FRYL: variants seen among roughly 807,000 people sequenced by gnomAD.
The protein encoded by FRYL is protein furry homolog-like.
In FRYL, 150 loss-of-function variants were observed where a neutral mutation model predicts 351.2. The ratio of observed to expected loss-of-function variants is 0.43; its 90% CI spans 0.37 to 0.49. FRYL has a LOEUF of 0.49. FRYL is among the 20% of genes least tolerant of loss of function. The pLI is 0.00. For synonymous variants in FRYL, 1,153 were observed against 1,257.1 expected (o/e 0.92, Z 1.75); for missense variants, 3,036 against 3,619.3 (o/e 0.84, Z 4.13).
At chr4:48,644,047 G>A (rs1195095961) in intron 3 of FRYL, among the ~76,000 whole-genome samples, 2 of 152,110 alleles carry the variant, frequency 1.3e-5, no homozygotes, top group Non-Finnish European at 2.9e-5. Flanking sequence ...AGGATCAAGC[G>A]ATTCTTCTGC....
intron 30 of FRYL, 28 bp from the exon 31 acceptor site, chr4:48,564,130 G>T: frequency 1.2e-6 from 2 of 1,611,212 alleles, no homozygotes; most frequent in South Asian, 1.1e-5. Context: ...AATTGCCCGA[G>T]AGAGAACGTT....
intron 33 of FRYL, among the ~76,000 whole-genome samples, 168 bp downstream of exon 33, chr4:48,561,300 G>A (rs1018138124): frequency 3.3e-5 from 5 of 152,044 alleles, no homozygotes; most frequent in Non-Finnish European, 5.9e-5. Context: ...CCTAAATATT[G>A]TGACTGATCA....
chr4:48,550,775 C>G, intron 37 of FRYL, 71 bp from the exon 38 acceptor site: 1 of 1,166,636 alleles, frequency 8.6e-7, no homozygotes, highest in Non-Finnish European at 1.3e-6. Flanking sequence ...GTTTCACTTT[C>G]TCTGTTTAAA....
rs1467961725 is a variant in FRYL at position 48,714,807 on chromosome 4, G to C, written c.-383-4109C>G. ...ATCATCCTGATACCAAAGCCGGGCA[G>C]AGACACAACCAAAAAAGAGAATTTT... On this transcript the variant is annotated intron_variant, in intron 1 of 63. Transcript: ENST00000358350. Among the ~76,000 whole-genome samples, 315 of 149,916 alleles carry C rather than the reference G, an allele frequency of 2.1e-3. 2 individuals are homozygous for C. Among genetic ancestry groups the C allele is most frequent in the Admixed American group, 3.1e-3 (46 of 15,074 alleles).
At chr4:48,630,543 G>A (rs1358405541) in intron 4 of FRYL, among the ~76,000 whole-genome samples, 1 of 152,080 alleles carries the variant, frequency 6.6e-6, no homozygotes, top group Non-Finnish European at 1.5e-5. Context: ...GATATACCTA[G>A]GTTATTACCG....
intron 1 of FRYL, among the ~76,000 whole-genome samples, chr4:48,725,720 G>A (rs952246969): frequency 6.6e-6 from 1 of 152,156 alleles, no homozygotes; most frequent in Non-Finnish European, 1.5e-5. Context: ...CAGTGCTTGT[G>A]TTCAAGTAAT....
rs1162873553 is a variant in FRYL, at chr4:48,499,677, A to G, written c.8787T>C (p.Ser2929=). Residue 2929 remains serine, a synonymous_variant, in exon 64 of 64, where the codon TCT becomes TCC. Coordinates refer to ENST00000358350, the MANE Select transcript of FRYL (RefSeq NM_015030.2). The part of the protein sequence containing the change: ...SAVAQVKAFR[S]LWPSDIFGSC... ...TGCCAAAGATATCACTGGGCCAGAG[A>G]GATCTGAAAATACACAATAGTTTTT... The G allele has an allele frequency of 6.2e-7, 1 of 1,613,122 alleles. No individual in the cohort carries two copies. The highest frequency in any genetic ancestry group is 8.5e-7 in the Non-Finnish European group (1 of 1,179,418).
intron 7 of FRYL, among the ~76,000 whole-genome samples, chr4:48,610,875 T>C (rs183406169): frequency 6.6e-5 from 10 of 151,078 alleles, no homozygotes; most frequent in African/African-American, 2.4e-4. Flanking sequence ...CAATTTGATA[T>C]GTATATATCA....
intron 2 of FRYL, among the ~76,000 whole-genome samples, chr4:48,687,427 T>C (rs1294327537): frequency 7.0e-5 from 10 of 142,968 alleles, no homozygotes; most frequent in Admixed American, 2.2e-4. Flanking sequence ...GAAGCTTCCA[T>C]GTGTAATAAA....
At chr4:48,607,223 TC>T (rs765404281) in intron 9 of FRYL, among the ~76,000 whole-genome samples, 2 of 151,948 alleles carry the variant, frequency 1.3e-5, no homozygotes, top group Non-Finnish European at 2.9e-5. Context: ...ATTATCCCCT[TC>T]CCCCCTATAT....
intron 30 of FRYL, 66 bp downstream of exon 30, chr4:48,564,867 A>G (rs1736410881): frequency 2.4e-6 from 2 of 824,926 alleles, no homozygotes; most frequent in South Asian, 1.9e-5. Context: ...TTAGTGCAAC[A>G]TACATTAACT....
intron 31 of FRYL, among the ~76,000 whole-genome samples, chr4:48,563,730 C>T (rs1015735188): frequency 4.0e-5 from 6 of 149,588 alleles, no homozygotes; most frequent in South Asian, 2.1e-4. Flanking sequence ...AAGGAGTATA[C>T]GGGAGGATTT....
chr4:48,680,460 CA>C (rs540715893), intron 3 of FRYL, among the ~76,000 whole-genome samples: 1 of 151,800 alleles, frequency 6.6e-6, no homozygotes, highest in Non-Finnish European at 1.5e-5. Context: ...TTACACATAA[CA>C]AAAATACTAT....
At chr4:48,750,978 C>G (rs1355426045) in intron 1 of FRYL, among the ~76,000 whole-genome samples, 1 of 152,174 alleles carries the variant, frequency 6.6e-6, no homozygotes, top group Non-Finnish European at 1.5e-5. Flanking sequence ...ATGGAACTGA[C>G]TTCAGGCTGA....
At chr4:48,568,960 T>C (rs958863490) in intron 27 of FRYL, among the ~76,000 whole-genome samples, 3 of 152,214 alleles carry the variant, frequency 2.0e-5, no homozygotes, top group Non-Finnish European at 2.9e-5. Context: ...GAATTCATTT[T>C]TTTCCGTAGC....
chr4:48,747,699 T>C (rs1044271517), intron 1 of FRYL, among the ~76,000 whole-genome samples: 2 of 152,216 alleles, frequency 1.3e-5, no homozygotes, highest in Non-Finnish European at 2.9e-5. Context: ...TTCCCACATA[T>C]CTTTCCAAAT....
At chr4:48,543,554 T>C (rs1310310282) in intron 44 of FRYL, among the ~76,000 whole-genome samples, 2 of 152,140 alleles carry the variant, frequency 1.3e-5, no homozygotes, top group African/African-American at 4.8e-5. Context: ...GTTAAGATCT[T>C]GGGGGTGGGG....
intron 1 of FRYL, among the ~76,000 whole-genome samples, chr4:48,723,553 G>A (rs1298242593): frequency 6.6e-6 from 1 of 152,140 alleles, no homozygotes; most frequent in Non-Finnish European, 1.5e-5. Flanking sequence ...AAACCTAGCA[G>A]TCACATGTAT....
intron 53 of FRYL, among the ~76,000 whole-genome samples, chr4:48,526,053 A>G (rs761900762): frequency 6.6e-6 from 1 of 152,072 alleles, no homozygotes; most frequent in Admixed American, 6.6e-5. Context: ...GTATATGTAC[A>G]TGAGAGTTGA....
Sources: gnomAD v4.1 joint callset for allele counts (sites outside exome capture counted in the v4.1 genomes callset) on GRCh38, gnomAD v4.1.1 for gene constraint, MANE v1.5 for transcripts, NCBI Gene and HGNC (gene_info 2026-07-23, HGNC 2026-07-21) for gene names.